CNP: variants seen among roughly 807,000 people sequenced by gnomAD.
CNP encodes 2',3'-cyclic nucleotide 3' phosphodiesterase.
CNP carries 8 observed loss-of-function variants against 37.9 expected under a neutral mutation model. That is an observed-to-expected ratio of 0.21 (90% confidence interval 0.12 to 0.38). CNP has a LOEUF of 0.38. Ranked by LOEUF, CNP falls within the 10% of genes least tolerant of loss-of-function variation. CNP has a pLI of 1.00. For synonymous variants in CNP, 237 were observed against 238.3 expected (o/e 0.99, Z 0.05); for missense variants, 457 against 551.0 (o/e 0.83, Z 1.71).
chr17:41,967,603 G>C, intron 1 of CNP: 1 of 962,980 alleles, frequency 1.0e-6, no homozygotes, highest in Non-Finnish European at 1.2e-6. Flanking sequence ...TGCCAGACAA[G>C]AGAGTATTAT....
chr17:41,973,048 T>C (rs1048416679), intron 3 of CNP, among the ~76,000 whole-genome samples: 1 of 152,200 alleles, frequency 6.6e-6, no homozygotes, highest in Admixed American at 6.5e-5. Flanking sequence ...GTGCCAACAG[T>C]AGCAGCTGTT....
chr17:41,972,029 G>A lies in CNP; in HGVS notation c.814G>A (p.Asp272Asn). 6.2e-7 allele frequency: 1 copy of A among 1,613,674 alleles called. No homozygotes were observed. Among genetic ancestry groups the A allele is most frequent in the Non-Finnish European group, 8.5e-7 (1 of 1,179,770 alleles). ...APGAEEYAQQ[D>N]VLKKSYSKAF... Reference sequence around the variant, plus strand: ...CGGGGCAGAGGAGTACGCTCAACAAGATGTGAGTCTTCCCCAGGGACACAT... The same window carrying A: ...CGGGGCAGAGGAGTACGCTCAACAAAATGTGAGTCTTCCCCAGGGACACAT... The change falls in exon 3 of 4, where the codon GAT (aspartate) becomes AAT (asparagine). Residue 272 changes from aspartate (D) to asparagine (N), a missense_variant and splice_region_variant. By Grantham distance (23) the Asp-to-Asn change is conservative. Coordinates refer to ENST00000393892, the MANE Select transcript of CNP (RefSeq NM_033133.5).
intron 2 of CNP, among the ~76,000 whole-genome samples, chr17:41,970,001 C>T (rs782491278): frequency 1.3e-5 from 2 of 152,198 alleles, no homozygotes; most frequent in African/African-American, 4.8e-5. Context: ...TTGAACTCTG[C>T]AGTGAACTGT....
rs1555644274 is a variant in CNP at position 41,973,926 on chromosome 17, TG to T, written c.*3del. 9 of 1,509,540 alleles carry T rather than the reference TG, an allele frequency of 6.0e-6. No individual in the cohort carries two copies. The highest frequency in any genetic ancestry group is 8.0e-6 in the Non-Finnish European group (9 of 1,130,392). 93.5% of individuals were successfully genotyped at this position (1,509,540 alleles called of 1,614,324 possible). A position where few individuals can be genotyped will look rare whatever the true frequency, so the allele number is the denominator to read the frequency against. On this transcript the variant is annotated 3_prime_UTR_variant, in exon 4 of 4. Coordinates refer to ENST00000393892, the MANE Select transcript of CNP (RefSeq NM_033133.5). Reference sequence around the variant, plus strand: ...TTGCAGTCCTGCACCATCATATGAGTGTTCTCACCACCACTTATGCCCCTAG... The same window carrying T: ...TTGCAGTCCTGCACCATCATATGAGTTTCTCACCACCACTTATGCCCCTAG...
chr17:41,971,918 A>C lies in CNP; in HGVS notation c.703A>C (p.Lys235Gln). 1 of 1,613,484 alleles carries C rather than the reference A, an allele frequency of 6.2e-7. No individual in the cohort carries two copies. Among genetic ancestry groups the C allele is most frequent in the Non-Finnish European group, 8.5e-7 (1 of 1,179,856 alleles). The change falls in exon 3 of 4, where the codon AAG (lysine) becomes CAG (glutamine). Residue 235 changes from lysine (K) to glutamine (Q), a missense_variant. Lys to Gln is a moderately conservative substitution (Grantham distance 53, BLOSUM62 1). Coordinates refer to ENST00000393892, the MANE Select transcript of CNP (RefSeq NM_033133.5). ...QFVPGDEPRE[K>Q]MDLVTYFGKR... ...CGTCCCTGGGGATGAGCCCAGGGAGAAGATGGACTTGGTCACCTACTTTGG... is the reference window on the plus strand; with the variant it reads ...CGTCCCTGGGGATGAGCCCAGGGAGCAGATGGACTTGGTCACCTACTTTGG...
chr17:41,973,735 C>T lies in CNP; in HGVS notation c.1077C>T (p.Ser359=), dbSNP rs1043897984. 2.5e-6 allele frequency: 4 copies of T among 1,611,518 alleles called. No homozygotes were observed. Among genetic ancestry groups the T allele is most frequent in the East Asian group, 4.5e-5 (2 of 44,830 alleles). ...LEILRQEKGG[S]RGEEVGELSR... ...TTCTGCGGCAGGAGAAGGGGGGCAGCCGAGGCGAGGAGGTGGGCGAGCTAA... is the reference window on the plus strand; with the variant it reads ...TTCTGCGGCAGGAGAAGGGGGGCAGTCGAGGCGAGGAGGTGGGCGAGCTAA... Residue 359 remains serine (S), a synonymous_variant, in exon 4 of 4, where the codon AGC becomes AGT. Coordinates refer to ENST00000393892, the MANE Select transcript of CNP (RefSeq NM_033133.5).
intron 2 of CNP, 140 bp from the exon 3 acceptor site, chr17:41,971,752 C>T: frequency 1.8e-6 from 2 of 1,126,646 alleles, no homozygotes; most frequent in Non-Finnish European, 2.5e-6. Context: ...ACCAACTAAC[C>T]AATGAATGAG....
chr17:41,975,945 A>C lies in CNP; in HGVS notation c.*2021A>C, dbSNP rs2051069389. ...GAGAAGGCCAGGGGCTTTTGCTAAA[A>C]ATAGTGGCCAGACCAGAGCTCTGGA... is the stretch of plus-strand genomic sequence containing the variant. On this transcript the variant is annotated 3_prime_UTR_variant, in exon 4 of 4. Coordinates refer to ENST00000393892, the MANE Select transcript of CNP (RefSeq NM_033133.5). 3 of 152,250 alleles carry C rather than the reference A, an allele frequency of 2.0e-5. No individual in the cohort carries two copies. The South Asian group carries it at 6.2e-4, about 32-fold the overall frequency. The allele number at this position is 152,250 out of a possible 1,614,324, so 9.4% of individuals were successfully genotyped here. A position where few individuals can be genotyped will look rare whatever the true frequency, so the allele number is the denominator to read the frequency against.
Position 41,976,594 on chromosome 17 carries a change from G to C in CNP, c.*2670G>C. The C allele has an allele frequency of 9.0e-7, 1 of 1,116,464 alleles. No homozygotes were observed. Among genetic ancestry groups the C allele is most frequent in the South Asian group, 1.5e-5 (1 of 65,990 alleles). The allele number at this position is 1,116,464 out of a possible 1,614,324, so 69.2% of individuals were successfully genotyped here. On this transcript the variant is annotated 3_prime_UTR_variant, in exon 4 of 4. Transcript: ENST00000393892. ...CCCTTTGCTCCACCCCACTCACAGA[G>C]ACACAGGGCATCCAACTGAGAAAAC...
chr17:41,977,626 T>TA lies in CNP; in HGVS notation c.*3702_*3703insA. On this transcript the variant is annotated 3_prime_UTR_variant, in exon 4 of 4. Transcript: ENST00000393892. Reference sequence around the variant, plus strand: ...TCAACAAATGGAATGCCATTTGCACTTACACAAGACTTTCCCCATACTCTG... The same window carrying TA: ...TCAACAAATGGAATGCCATTTGCACTATACACAAGACTTTCCCCATACTCTG... The TA allele has an allele frequency of 3.7e-6, 1 of 268,292 alleles. No individual in the cohort carries two copies. Among genetic ancestry groups the TA allele is most frequent in the Non-Finnish European group, 7.1e-6 (1 of 140,082 alleles). 16.6% of individuals were successfully genotyped at this position (268,292 alleles called of 1,614,324 possible).
chr17:41,973,236 G>A (rs1352002105), intron 3 of CNP, among the ~76,000 whole-genome samples: 2 of 152,270 alleles, frequency 1.3e-5, no homozygotes, highest in Admixed American at 6.5e-5. Context: ...CAGGAAGTCC[G>A]GCTGTCCCCG....
intron 1 of CNP, 167 bp from the exon 2 acceptor site, chr17:41,967,901 C>A: frequency 7.0e-7 from 1 of 1,438,370 alleles, no homozygotes; most frequent in Non-Finnish European, 9.1e-7. Context: ...CTTCCCTCTT[C>A]CTCCTCCACG....
rs1329354296 is a variant in CNP, at chr17:41,977,683, AG to A, written c.*3761del. ...TATAATGCTGGAGCGGCTACTAAAA[AG>A]GATAAAATGTATCACTTAAATGTTA... On this transcript the variant is annotated 3_prime_UTR_variant, in exon 4 of 4. Coordinates refer to ENST00000393892, the MANE Select transcript of CNP (RefSeq NM_033133.5). 3.0e-4 allele frequency: 53 copies of A among 178,452 alleles called. No homozygotes were observed. Among genetic ancestry groups the A allele is most frequent in the Middle Eastern group, 2.5e-3 (1 of 396 alleles). The allele number at this position is 178,452 out of a possible 1,614,324, so 11.1% of individuals were successfully genotyped here. A position where few individuals can be genotyped will look rare whatever the true frequency, so the allele number is the denominator to read the frequency against.
intron 2 of CNP, chr17:41,971,649 C>T (rs900282640): frequency 6.1e-6 from 2 of 326,640 alleles, no homozygotes; most frequent in East Asian, 6.1e-5. Context: ...CCACCCACCT[C>T]GGCCTCCCAG....
At chr17:41,971,691 C>A in intron 2 of CNP, 1 of 579,380 alleles carries the variant, frequency 1.7e-6, no homozygotes, top group Non-Finnish European at 2.9e-6. Context: ...AACCACCGCA[C>A]CTGGCCTGAG....
chr17:41,971,758 A>T (rs2050993632), intron 2 of CNP, 134 bp from the exon 3 acceptor site: 1 of 1,165,222 alleles, frequency 8.6e-7, no homozygotes, highest in African/African-American at 1.6e-5. Context: ...TAACCAATGA[A>T]TGAGCTGTAG....
chr17:41,967,276 T>G, intron 1 of CNP: 4 of 181,576 alleles, frequency 2.2e-5, no homozygotes, highest in South Asian at 2.0e-4. Flanking sequence ...CGCGCCCGGG[T>G]GCGGGCGGGA....
chr17:41,967,333 GT>G (rs1335432233), intron 1 of CNP: 1 of 158,486 alleles, frequency 6.3e-6, no homozygotes, highest in Non-Finnish European at 1.4e-5. Flanking sequence ...AAAAGCTGCC[GT>G]CCCTTGTGGC....
In CNP at chr17:41,973,754, G is replaced by A. The variant is rs1555644236; in HGVS notation, c.1096G>A (p.Glu366Lys). The A allele has an allele frequency of 5.0e-6, 8 of 1,611,958 alleles. No homozygotes were observed. Among genetic ancestry groups the A allele is most frequent in the Non-Finnish European group, 5.9e-6 (7 of 1,178,866 alleles). Residue 366 changes from glutamate to lysine, a missense_variant, in exon 4 of 4, where the codon GAG (glutamate) becomes AAG (lysine). Physicochemically the swap from Glu to Lys is moderately conservative, Grantham distance 56 (BLOSUM62 1). Coordinates refer to ENST00000393892, the MANE Select transcript of CNP (RefSeq NM_033133.5). ...KGGSRGEEVGELSRGKLYSLG... is the reference protein window; with the variant it reads ...KGGSRGEEVGKLSRGKLYSLG... Reference sequence around the variant, plus strand: ...GGGCAGCCGAGGCGAGGAGGTGGGCGAGCTAAGCCGGGGCAAGCTCTATTC... The same window carrying A: ...GGGCAGCCGAGGCGAGGAGGTGGGCAAGCTAAGCCGGGGCAAGCTCTATTC...
Sources: allele counts gnomAD v4.1 joint callset (sites outside exome capture counted in the v4.1 genomes callset), GRCh38; gene constraint gnomAD v4.1.1; transcripts MANE v1.5; gene names NCBI Gene and HGNC (gene_info 2026-07-23, HGNC 2026-07-21).